The following ZFP2 variants were observed in gnomAD, a reference collection of about 807,000 sequenced individuals.
ZFP2 encodes zinc finger protein ZFP2.
ZFP2 carries 33 observed loss-of-function variants against 36.1 expected under a neutral mutation model. The ratio of observed to expected loss-of-function variants is 0.92; its 90% confidence interval spans 0.69 to 1.22. The LOEUF is 1.22. Among genes scored for constraint, ZFP2 ranks in the 50% most tolerant of loss-of-function variants. ZFP2 has a pLI of 0.00. For synonymous variants in ZFP2, 170 were observed against 178.0 expected (o/e 0.96, Z 0.36); for missense variants, 522 against 551.4 (o/e 0.95, Z 0.53).
chr5:178,931,889 C>T lies in ZFP2; in HGVS notation c.576C>T (p.Gly192=). ...GEKPYQCKEC[G]KAFHKNSSLI... The stretch of plus-strand genomic sequence containing the variant: ...AACCCTATCAGTGTAAAGAGTGTGG[C>T]AAAGCCTTCCATAAGAATTCATCTC... Residue 192 remains glycine, a synonymous_variant, in exon 5 of 5, where the codon GGC becomes GGT. Transcript: ENST00000361362. The T allele has an allele frequency of 6.2e-7, 1 of 1,612,480 alleles. No homozygotes were observed. The highest frequency in any genetic ancestry group is 8.5e-7 in the Non-Finnish European group (1 of 1,178,896).
intron 1 of ZFP2, among the ~76,000 whole-genome samples, chr5:178,898,266 G>A (rs1757982054): frequency 6.6e-6 from 1 of 152,204 alleles, no homozygotes; most frequent in African/African-American, 2.4e-5. Context: ...GATTACAGGC[G>A]TGAGCCACCG....
chr5:178,917,160 T>C (rs940813025), intron 4 of ZFP2, among the ~76,000 whole-genome samples: 1 of 152,230 alleles, frequency 6.6e-6, no homozygotes, highest in Non-Finnish European at 1.5e-5. Flanking sequence ...TTTAATCATA[T>C]TCAGTTATGA....
intron 1 of ZFP2, 21 bp from the exon 2 acceptor site, chr5:178,912,563 C>A: frequency 1.2e-6 from 1 of 803,702 alleles, no homozygotes; most frequent in Non-Finnish European, 1.5e-6. Flanking sequence ...TTGGCATAAT[C>A]CCTTATTGAG....
At chr5:178,917,412 C>T (rs1273277856) in intron 4 of ZFP2, among the ~76,000 whole-genome samples, 10 of 152,082 alleles carry the variant, frequency 6.6e-5, no homozygotes, top group African/African-American at 1.9e-4. Flanking sequence ...GTCAAGAGTT[C>T]GAGACCAGTC....
chr5:178,909,995 C>T lies in ZFP2; in HGVS notation c.-449-2589C>T, dbSNP rs1420692461. The stretch of plus-strand genomic sequence containing the variant: ...AATTGTTCTGGGTAGAGACTAGTTT[C>T]CATAGGGTGATGGCTATTTGCCGAT... On this transcript the variant is annotated intron_variant, in intron 1 of 4. Coordinates refer to ENST00000361362, the MANE Select transcript of ZFP2 (RefSeq NM_030613.4). The T allele has an allele frequency of 7.0e-6, 10 of 1,420,356 alleles. No individual in the cohort carries two copies. The African/African-American group carries it at 1.3e-4, about 18-fold the overall frequency. The allele number at this position is 1,420,356 out of a possible 1,614,324, so 88.0% of individuals were successfully genotyped here.
chr5:178,915,656 C>G (rs1016619718), intron 3 of ZFP2: 1 of 151,566 alleles, frequency 6.6e-6, no homozygotes, highest in African/African-American at 2.4e-5. Flanking sequence ...GTATTTTGCT[C>G]ATCATTTTCC....
intron 4 of ZFP2, among the ~76,000 whole-genome samples, chr5:178,917,529 C>G (rs1375747208): frequency 2.0e-5 from 3 of 151,994 alleles, no homozygotes; most frequent in Non-Finnish European, 2.9e-5. Flanking sequence ...GCGTGAGAAT[C>G]ACTTGAACCC....
chr5:178,932,678 A>G lies in ZFP2; in HGVS notation c.1365A>G (p.Arg455=), dbSNP rs975147010. Residue 455 remains arginine (R), a synonymous_variant, in exon 5 of 5, where the codon CGA becomes CGG. Coordinates refer to ENST00000361362, the MANE Select transcript of ZFP2 (RefSeq NM_030613.4). ...TCAGCCGGAGTACAAACCTTACACGACATCAAAGAACTCATACGTGAGGAA... is the reference window on the plus strand; with the variant it reads ...TCAGCCGGAGTACAAACCTTACACGGCATCAAAGAACTCATACGTGAGGAA... ...KAFSRSTNLT[R]HQRTHT 1 of 1,601,294 alleles carries G rather than the reference A, an allele frequency of 6.2e-7. No individual in the cohort carries two copies. Among genetic ancestry groups the G allele is most frequent in the African/African-American group, 1.3e-5 (1 of 74,280 alleles).
intron 4 of ZFP2, among the ~76,000 whole-genome samples, chr5:178,921,308 T>C (rs1427492631): frequency 1.3e-5 from 2 of 152,192 alleles, no homozygotes; most frequent in Non-Finnish European, 2.9e-5. Flanking sequence ...TTGACTCTTC[T>C]GGCTACAAGG....
intron 1 of ZFP2, among the ~76,000 whole-genome samples, chr5:178,904,004 GAAAAA>G (rs200657757): frequency 6.4e-5 from 9 of 140,180 alleles, no homozygotes; most frequent in African/African-American, 2.1e-4. Context: ...AAAGAAAAAA[GAAAAA>G]AAAAAGAAAA....
At chr5:178,909,823 G>T in intron 1 of ZFP2, 2 of 1,592,254 alleles carry the variant, frequency 1.3e-6, no homozygotes, top group Admixed American at 1.7e-5. Context: ...AAGAGATTTG[G>T]CCAGGCCTCA....
chr5:178,912,665 A>G lies in ZFP2; in HGVS notation c.-368A>G, dbSNP rs1758321339. ...GATTCAAGCAGATTCTGCTCAGAGGATGACCGTGTATGGGGAGGTGATGCT... is the reference window on the plus strand; with the variant it reads ...GATTCAAGCAGATTCTGCTCAGAGGGTGACCGTGTATGGGGAGGTGATGCT... On this transcript the variant is annotated 5_prime_UTR_variant, in exon 2 of 5. The change abolishes an upstream ATG in the 5' untranslated region. Coordinates refer to ENST00000361362, the MANE Select transcript of ZFP2 (RefSeq NM_030613.4). 2.8e-6 allele frequency: 3 copies of G among 1,062,102 alleles called. No homozygotes were observed. The highest frequency in any genetic ancestry group is 7.8e-5 in the East Asian group (1 of 12,756). The allele number at this position is 1,062,102 out of a possible 1,614,324, so 65.8% of individuals were successfully genotyped here. A position where few individuals can be genotyped will look rare whatever the true frequency, so the allele number is the denominator to read the frequency against.
In ZFP2 at chr5:178,932,818, T is replaced by C; in HGVS notation, c.*119T>C. The C allele has an allele frequency of 7.9e-7, 1 of 1,265,012 alleles. No homozygotes were observed. 78.4% of individuals were successfully genotyped at this position (1,265,012 alleles called of 1,614,324 possible). On this transcript the variant is annotated 3_prime_UTR_variant, in exon 5 of 5. Transcript: ENST00000361362. ...TGGGAATCTTTCAGTTGAAGTACAA[T>C]ATGTCATATCAGATAATACCACTGC... is the stretch of plus-strand genomic sequence containing the variant.
chr5:178,909,739 GC>G (rs1400285819), intron 1 of ZFP2: 2 of 1,553,274 alleles, frequency 1.3e-6, no homozygotes, highest in African/African-American at 2.7e-5. Context: ...AAGCCCTCGG[GC>G]CTTGAGCTGA....
chr5:178,915,616 CTTG>C (rs1271174836), intron 3 of ZFP2: 2 of 104,408 alleles, frequency 1.9e-5, no homozygotes, highest in Non-Finnish European at 3.9e-5. Flanking sequence ...ACCCAGCTCA[CTTG>C]TTTTTTTTTT....
At chr5:178,927,895 G>A (rs1379419730) in intron 4 of ZFP2, among the ~76,000 whole-genome samples, 2 of 151,648 alleles carry the variant, frequency 1.3e-5, no homozygotes, top group Non-Finnish European at 2.9e-5. Flanking sequence ...GGCTGTACGG[G>A]AAGCATTAGT....
intron 1 of ZFP2, among the ~76,000 whole-genome samples, chr5:178,908,462 T>G (rs566284792): frequency 2.7e-5 from 4 of 150,178 alleles, no homozygotes; most frequent in Admixed American, 6.6e-5. Context: ...AAAAAAAAAT[T>G]ATTACAACCT....
intron 4 of ZFP2, 58 bp downstream of exon 4, chr5:178,916,768 A>G (rs1758439349): frequency 1.0e-6 from 1 of 972,612 alleles, no homozygotes; most frequent in Non-Finnish European, 1.2e-6. Context: ...GTGAAATAAC[A>G]TGTCAGAATC....
At chr5:178,925,125 A>ATATG (rs1449573958) in intron 4 of ZFP2, among the ~76,000 whole-genome samples, 1 of 60,644 alleles carries the variant, frequency 1.6e-5, no homozygotes, top group African/African-American at 4.2e-5. Flanking sequence ...ATATATATAT[A>ATATG]TACACACACA....
Sources: allele counts gnomAD v4.1 joint callset (sites outside exome capture counted in the v4.1 genomes callset), GRCh38; gene constraint gnomAD v4.1.1; transcripts MANE v1.5; gene names NCBI Gene and HGNC (gene_info 2026-07-23, HGNC 2026-07-21).